The following PLAC8 variants were observed in gnomAD, a reference collection of about 807,000 sequenced individuals.
PLAC8 encodes the protein placenta associated 8.
A neutral mutation model predicts 12.6 loss-of-function variants in PLAC8; 6 were observed. The observed-to-expected ratio is 0.48, with a 90% CI of 0.26 to 0.94. The LOEUF (loss-of-function observed/expected upper bound fraction) is 0.94, where lower values mean the gene tolerates loss of function less well. Ranked by LOEUF, PLAC8 falls within the 40% of genes least tolerant of loss-of-function variation. PLAC8 has a pLI of 0.14. For missense variants in PLAC8, 122 were observed against 152.7 expected, an observed-to-expected ratio of 0.80 and a Z score of 1.06; for synonymous variants, 54 against 52.6, an observed-to-expected ratio of 1.03 and a Z score of -0.11.
At chr4:83,107,401 A>C (rs1458515608) in intron 2 of PLAC8, among the ~76,000 whole-genome samples, 3 of 151,956 alleles carry the variant, frequency 2.0e-5, no homozygotes, top group East Asian at 3.8e-4. Context: ...TGTAACTATA[A>C]ATTAATGAGG....
intron 1 of PLAC8, among the ~76,000 whole-genome samples, chr4:83,114,409 T>C (rs750277381): frequency 5.3e-5 from 8 of 152,172 alleles, no homozygotes; most frequent in South Asian, 2.1e-4. Flanking sequence ...AAAGCAGCAA[T>C]TGATGAGGAT....
intron 1 of PLAC8, 150 bp from the exon 2 acceptor site, chr4:83,108,100 C>T (rs1354822927): frequency 1.1e-5 from 2 of 177,516 alleles, no homozygotes; most frequent in African/African-American, 4.8e-5. Context: ...CAAACCTGCA[C>T]GTTGTGCACA....
At chr4:83,111,372 A>G (rs932838441) in intron 1 of PLAC8, among the ~76,000 whole-genome samples, 4 of 152,144 alleles carry the variant, frequency 2.6e-5, no homozygotes, top group African/African-American at 7.2e-5. Flanking sequence ...AAAAATTTTA[A>G]GGGGTCATAC....
rs1269672228 is a variant in PLAC8, at chr4:83,094,740, G to A, written c.295C>T (p.Leu99Phe). Residue 99 changes from leucine (L) to phenylalanine (F), a missense_variant, in exon 4 of 5, where the codon CTT (leucine) becomes TTT (phenylalanine). By Grantham distance (22) the Leu-to-Phe change is conservative (BLOSUM62 0). Coordinates refer to ENST00000311507, the MANE Select transcript of PLAC8 (RefSeq NM_016619.3). Reference sequence around the variant, plus strand: ...TTGATATCTCTCTTGATTTGGCAAAGAGTACAATGAGGACAGCAAAGAGTT... The same window carrying A: ...TTGATATCTCTCTTGATTTGGCAAAAAGTACAATGAGGACAGCAAAGAGTT... The part of the protein sequence containing the change: ...MATLCCPHCT[L>F]CQIKRDINRR... 2.5e-6 allele frequency: 4 copies of A among 1,606,112 alleles called. No individual in the cohort carries two copies. The East Asian group carries it at 9.0e-5, about 36-fold the overall frequency.
rs1340106886 is a variant in PLAC8 at position 83,107,766 on chromosome 4, C to T, written c.118+38G>A. ...GGATTGAGTCATTGGTAATTCACCT[C>T]GGTATCAAATAAGGGGGTTCTTTCC... On this transcript the variant is annotated intron_variant, in intron 2 of 4. Coordinates refer to ENST00000311507, the MANE Select transcript of PLAC8 (RefSeq NM_016619.3). The T allele has an allele frequency of 4.0e-6, 5 of 1,249,766 alleles. No homozygotes were observed. In the African/African-American group the frequency reaches 7.6e-5, roughly 19 times the overall value. The allele number at this position is 1,249,766 out of a possible 1,614,324, so 77.4% of individuals were successfully genotyped here. A position where few individuals can be genotyped will look rare whatever the true frequency, so the allele number is the denominator to read the frequency against.
intron 1 of PLAC8, among the ~76,000 whole-genome samples, chr4:83,108,799 T>C (rs1276728855): frequency 1.3e-5 from 2 of 152,242 alleles, no homozygotes; most frequent in Admixed American, 6.5e-5. Flanking sequence ...TTCTCTAAAA[T>C]GGCATCATCC....
At chr4:83,096,572 A>T (rs1412075445) in intron 3 of PLAC8, among the ~76,000 whole-genome samples, 2 of 152,224 alleles carry the variant, frequency 1.3e-5, no homozygotes, top group Non-Finnish European at 2.9e-5. Flanking sequence ...ACTACCAGAG[A>T]TAACCTATTA....
intron 2 of PLAC8, among the ~76,000 whole-genome samples, chr4:83,107,195 C>A (rs1732262633): frequency 7.2e-6 from 1 of 138,874 alleles, no homozygotes. Context: ...AGTGAGACTT[C>A]GTCTCAAAAA....
At position 83,090,763 on chromosome 4, in the gene PLAC8, C is replaced by T. The variant is rs202071248; in HGVS notation, c.*218G>A. ...GTTTATAAGCCAGGAAATTCGAATT[C>T]GATAATATGAAAGCAAGGAGAAACT... On this transcript the variant is annotated 3_prime_UTR_variant, in exon 5 of 5. Coordinates refer to ENST00000311507, the MANE Select transcript of PLAC8 (RefSeq NM_016619.3). The T allele has an allele frequency of 3.2e-5, 4 of 125,750 alleles. No individual in the cohort carries two copies. Among genetic ancestry groups the T allele is most frequent in the African/African-American group, 1.2e-4 (4 of 33,920 alleles). The allele number at this position is 125,750 out of a possible 1,614,324, so 7.8% of individuals were successfully genotyped here.
rs997061344 is a variant in PLAC8 at position 83,090,841 on chromosome 4, A to G, written c.*140T>C. 1 of 152,176 alleles carries G rather than the reference A, an allele frequency of 6.6e-6. No homozygotes were observed. Among genetic ancestry groups the G allele is most frequent in the Non-Finnish European group, 1.5e-5 (1 of 68,034 alleles). 9.4% of individuals were successfully genotyped at this position (152,176 alleles called of 1,614,324 possible). A position where few individuals can be genotyped will look rare whatever the true frequency, so the allele number is the denominator to read the frequency against. ...GACAACATTCATTTATAATAAATCA[A>G]AAATTTGATTTTTTTCATGCCATCA... is the stretch of plus-strand genomic sequence containing the variant. On this transcript the variant is annotated 3_prime_UTR_variant, in exon 5 of 5. Transcript: ENST00000311507.
intron 3 of PLAC8, among the ~76,000 whole-genome samples, chr4:83,096,764 T>C (rs938957701): frequency 6.6e-6 from 1 of 152,246 alleles, no homozygotes; most frequent in African/African-American, 2.4e-5. Context: ...ACTTGATATA[T>C]GATAGCCAAT....
intron 3 of PLAC8, among the ~76,000 whole-genome samples, chr4:83,098,738 T>A (rs898182085): frequency 6.0e-5 from 2 of 33,450 alleles, no homozygotes; most frequent in African/African-American, 1.3e-4. Flanking sequence ...AATAAAGGTT[T>A]TTTTTTTTTT....
chr4:83,094,646 A>G, intron 4 of PLAC8, 32 bp downstream of exon 4: 1 of 1,124,516 alleles, frequency 8.9e-7, no homozygotes, highest in Non-Finnish European at 1.3e-6. Context: ...AAAAACCCAC[A>G]TGTTCTGAGA....
At chr4:83,096,636 T>C (rs1731933999) in intron 3 of PLAC8, among the ~76,000 whole-genome samples, 1 of 152,210 alleles carries the variant, frequency 6.6e-6, no homozygotes, top group African/African-American at 2.4e-5. Context: ...CTATGACTCA[T>C]ATAAATATAG....
rs185212223 is a variant in PLAC8 at position 83,107,605 on chromosome 4, T to A, written c.118+199A>T. 3.2e-3 allele frequency among the ~76,000 whole-genome samples: 437 copies of A among 138,480 alleles called. 3 individuals carry two copies. Among genetic ancestry groups the A allele is most frequent in the African/African-American group, 0.011 (418 of 37,634 alleles). The allele number at this position is 138,480 out of a possible 152,430, so 90.8% of individuals were successfully genotyped here. A position where few individuals can be genotyped will look rare whatever the true frequency, so the allele number is the denominator to read the frequency against. On this transcript the variant is annotated intron_variant, in intron 2 of 4. Transcript: ENST00000311507. ...CTTTGAAGGGCTGGAGAAAATTAAG[T>A]TATCCATACGGAGGCTTTTTTTTTT...
intron 3 of PLAC8, among the ~76,000 whole-genome samples, chr4:83,101,476 T>C (rs1175021518): frequency 6.6e-6 from 1 of 152,178 alleles, no homozygotes; most frequent in African/African-American, 2.4e-5. Flanking sequence ...AAAGATGTCT[T>C]CTCCGTAACA....
intron 1 of PLAC8, among the ~76,000 whole-genome samples, chr4:83,110,801 C>T (rs575889735): frequency 6.6e-6 from 1 of 152,188 alleles, no homozygotes; most frequent in African/African-American, 2.4e-5. Context: ...GATGGCTTCC[C>T]ACATTTGAAA....
chr4:83,096,545 C>T (rs571310658), intron 3 of PLAC8, among the ~76,000 whole-genome samples: 5 of 152,100 alleles, frequency 3.3e-5, no homozygotes, highest in African/African-American at 7.2e-5. Flanking sequence ...CAATCTAATC[C>T]CTTTCTACCC....
chr4:83,111,662 C>T (rs1325517212), intron 1 of PLAC8, among the ~76,000 whole-genome samples: 1 of 152,092 alleles, frequency 6.6e-6, no homozygotes, highest in Non-Finnish European at 1.5e-5. Flanking sequence ...CTTATTTTTT[C>T]AAGAAGCCTA....
Sources: allele counts gnomAD v4.1 joint callset (sites outside exome capture counted in the v4.1 genomes callset), GRCh38; gene constraint gnomAD v4.1.1; transcripts MANE v1.5; gene names NCBI Gene and HGNC (gene_info 2026-07-23, HGNC 2026-07-21).